The following FOXP1 variants were observed in gnomAD, a reference collection of about 807,000 sequenced individuals.
FOXP1 encodes the protein forkhead box protein P1.
A neutral mutation model predicts 98.2 loss-of-function variants in FOXP1; 15 were observed. The ratio of observed to expected loss-of-function variants is 0.15; its 90% confidence interval spans 0.10 to 0.24. The LOEUF is 0.24. Among genes scored for constraint, FOXP1 ranks in the 10% least tolerant of loss-of-function variants. The pLI, the probability that FOXP1 is intolerant of heterozygous loss-of-function variation, is 1.00. For missense variants in FOXP1, 633 were observed against 848.5 expected (o/e 0.75, Z 3.15); for synonymous variants, 371 against 314.5 (o/e 1.18, Z -1.90).
At chr3:71,062,876 A>AT (rs1207326592) in intron 7 of FOXP1, among the ~76,000 whole-genome samples, 1 of 152,128 alleles carries the variant, frequency 6.6e-6, no homozygotes, top group Non-Finnish European at 1.5e-5. Flanking sequence ...GACCCATACT[A>AT]TTTTTTTAAA....
At chr3:71,165,802 T>C (rs2061372908) in intron 6 of FOXP1, among the ~76,000 whole-genome samples, 1 of 147,224 alleles carries the variant, frequency 6.8e-6, no homozygotes, top group South Asian at 2.2e-4. Flanking sequence ...CACTTGGAGG[T>C]CTGTGCAAAA....
intron 1 of FOXP1, 196 bp downstream of exon 1, chr3:71,583,375 G>A (rs1182423700): frequency 1.2e-6 from 1 of 831,138 alleles, no homozygotes; most frequent in Admixed American, 6.2e-5. Flanking sequence ...GAGAGGAAGA[G>A]AGGGGAGGGC....
chr3:71,446,159 G>A (rs1490359233), intron 3 of FOXP1, among the ~76,000 whole-genome samples: 1 of 152,154 alleles, frequency 6.6e-6, no homozygotes, highest in Non-Finnish European at 1.5e-5. Context: ...TGAGAAGCCT[G>A]GGCCTCATGG....
intron 2 of FOXP1, among the ~76,000 whole-genome samples, chr3:71,520,126 C>T (rs1031388932): frequency 3.9e-5 from 6 of 152,164 alleles, no homozygotes; most frequent in African/African-American, 7.2e-5. Flanking sequence ...CATGCATCTC[C>T]CCAATTATCT....
chr3:71,042,770 TG>T (rs1423174407), intron 10 of FOXP1, among the ~76,000 whole-genome samples: 2 of 152,208 alleles, frequency 1.3e-5, no homozygotes, highest in African/African-American at 4.8e-5. Context: ...TATATTCATT[TG>T]AAACACATAA....
At chr3:71,005,809 G>C (rs188612759) in intron 12 of FOXP1, among the ~76,000 whole-genome samples, 3 of 152,214 alleles carry the variant, frequency 2.0e-5, no homozygotes, top group Admixed American at 2.0e-4. Flanking sequence ...GAGACGGAGA[G>C]CATTTCAACA....
chr3:71,248,460 T>C (rs1314527652), intron 5 of FOXP1, among the ~76,000 whole-genome samples: 8 of 152,092 alleles, frequency 5.3e-5, no homozygotes, highest in Admixed American at 5.2e-4. Context: ...AAATCCAGCA[T>C]GGCCAGGCAC....
intron 2 of FOXP1, among the ~76,000 whole-genome samples, chr3:71,558,825 C>T (rs1317238401): frequency 8.9e-6 from 1 of 111,796 alleles, no homozygotes; most frequent in Non-Finnish European, 1.8e-5. Flanking sequence ...TTTTTTGAGG[C>T]AGAGTCTCGC....
chr3:71,163,239 C>G (rs1177211917), intron 6 of FOXP1, among the ~76,000 whole-genome samples: 1 of 151,978 alleles, frequency 6.6e-6, no homozygotes, highest in African/African-American at 2.4e-5. Context: ...ATTGAGGTGC[C>G]AATGATTTAT....
In FOXP1 at chr3:70,956,879, T is replaced by G. The variant is rs1575638724; in HGVS notation, c.*2368A>C. The G allele has an allele frequency of 9.4e-6, 2 of 212,680 alleles. No individual in the cohort carries two copies. Among genetic ancestry groups the G allele is most frequent in the African/African-American group, 2.3e-5 (1 of 43,580 alleles). The allele number at this position is 212,680 out of a possible 1,614,324, so 13.2% of individuals were successfully genotyped here. A position where few individuals can be genotyped will look rare whatever the true frequency, so the allele number is the denominator to read the frequency against. On this transcript the variant is annotated 3_prime_UTR_variant, in exon 21 of 21. Coordinates refer to ENST00000649528, the MANE Select transcript of FOXP1 (RefSeq NM_001349338.3). ...TACCAAGCTTATGAGTGGATGGGAG[T>G]GTTACTTTTCTTTAAATGAAAAATG... is the stretch of plus-strand genomic sequence containing the variant.
chr3:71,278,127 C>G (rs2071112952), intron 5 of FOXP1, among the ~76,000 whole-genome samples: 1 of 152,054 alleles, frequency 6.6e-6, no homozygotes, highest in Non-Finnish European at 1.5e-5. Flanking sequence ...AACAGTAGCC[C>G]CTACGTAACC....
chr3:70,986,892 A>G (rs550476646), intron 14 of FOXP1, among the ~76,000 whole-genome samples: 15 of 152,272 alleles, frequency 9.9e-5, no homozygotes, highest in African/African-American at 3.4e-4. Context: ...GCAGGCTACC[A>G]TATTTGCTGG....
chr3:71,245,759 C>A (rs1480849390), intron 5 of FOXP1, among the ~76,000 whole-genome samples: 1 of 152,006 alleles, frequency 6.6e-6, no homozygotes, highest in Non-Finnish European at 1.5e-5. Context: ...AGGATGGTTA[C>A]TTTTACATGA....
At chr3:71,190,034 T>A (rs534661446) in intron 6 of FOXP1, among the ~76,000 whole-genome samples, 1 of 152,334 alleles carries the variant, frequency 6.6e-6, no homozygotes, top group East Asian at 1.9e-4. Flanking sequence ...TGGCCACTCA[T>A]CTCTCCGGGA....
At chr3:71,052,714 A>G (rs1222373297) in intron 8 of FOXP1, 88 bp from the exon 9 acceptor site, 2 of 803,242 alleles carry the variant, frequency 2.5e-6, no homozygotes, top group African/African-American at 1.7e-5. Flanking sequence ...GTGATTTGAA[A>G]AATAGCATCC....
intron 9 of FOXP1, among the ~76,000 whole-genome samples, chr3:71,051,886 T>C (rs1364242683): frequency 1.3e-5 from 2 of 152,174 alleles, no homozygotes; most frequent in East Asian, 1.9e-4. Flanking sequence ...TGATAAGTTA[T>C]GGACACTACC....
chr3:71,176,141 G>C (rs1302050691), intron 6 of FOXP1, among the ~76,000 whole-genome samples: 1 of 152,158 alleles, frequency 6.6e-6, no homozygotes, highest in Non-Finnish European at 1.5e-5. Flanking sequence ...TAGGGTTCAA[G>C]CCTGTTACAT....
At chr3:71,204,744 C>T (rs1028752979) in intron 5 of FOXP1, among the ~76,000 whole-genome samples, 2 of 41,032 alleles carry the variant, frequency 4.9e-5, no homozygotes, top group African/African-American at 1.7e-4. Context: ...GGATGGGCTA[C>T]TCTTAAGAAA....
At chr3:71,152,876 T>C (rs1349902480) in intron 6 of FOXP1, among the ~76,000 whole-genome samples, 1 of 152,154 alleles carries the variant, frequency 6.6e-6, no homozygotes, top group Non-Finnish European at 1.5e-5. Flanking sequence ...ACAAAAAGGG[T>C]GGAGTGGAAA....
Sources: allele counts gnomAD v4.1 joint callset (sites outside exome capture counted in the v4.1 genomes callset), GRCh38; gene constraint gnomAD v4.1.1; transcripts MANE v1.5; gene names NCBI Gene and HGNC (gene_info 2026-07-23, HGNC 2026-07-21).